Variants in SOS2 observed in about 807,000 individuals in gnomAD.
SOS2 encodes SOS Ras/Rho guanine nucleotide exchange factor 2, also known as son of sevenless homolog 2.
SOS2 carries 65 observed loss-of-function variants against 148.2 expected under a neutral mutation model. The observed-to-expected ratio is 0.44, with a 90% CI of 0.36 to 0.54. SOS2 has a LOEUF of 0.54. SOS2 is among the 20% of genes least tolerant of loss of function. SOS2 has a pLI of 0.00. For missense variants in SOS2, 1,341 were observed against 1,590.2 expected (o/e 0.84, Z 2.67); for synonymous variants, 539 against 537.1 (o/e 1.00, Z -0.05).
chr14:50,126,059 A>T (rs923056369), intron 21 of SOS2, among the ~76,000 whole-genome samples: 1 of 152,216 alleles, frequency 6.6e-6, no homozygotes, highest in Non-Finnish European at 1.5e-5. Context: ...AATAAGTGCC[A>T]TGGATATAGA....
At position 50,118,315 on chromosome 14, in the gene SOS2, C is replaced by T. The variant is rs1459155182; in HGVS notation, c.*29G>A. 3.2e-6 allele frequency: 5 copies of T among 1,545,116 alleles called. No individual in the cohort carries two copies. Among genetic ancestry groups the T allele is most frequent in the Non-Finnish European group, 4.4e-6 (5 of 1,139,386 alleles). On this transcript the variant is annotated 3_prime_UTR_variant, in exon 23 of 23. Transcript: ENST00000216373. ...AAAAAAAAACTTTACAAATACCATTCCAGTGTCAATGACTACATATGGCTA... is the reference window on the plus strand; with the variant it reads ...AAAAAAAAACTTTACAAATACCATTTCAGTGTCAATGACTACATATGGCTA...
chr14:50,202,199 G>C (rs1886514214), intron 2 of SOS2, among the ~76,000 whole-genome samples: 3 of 152,180 alleles, frequency 2.0e-5, no homozygotes, highest in African/African-American at 7.2e-5. Flanking sequence ...CTGGGCTCAA[G>C]TGATTGTGTC....
chr14:50,122,382 A>G (rs1468651704), intron 21 of SOS2, among the ~76,000 whole-genome samples: 1 of 136,816 alleles, frequency 7.3e-6, no homozygotes, highest in African/African-American at 2.9e-5. Flanking sequence ...AGTGAAAAAG[A>G]ACCCTGGGCT....
At chr14:50,229,284 C>T (rs1318368316) in intron 1 of SOS2, among the ~76,000 whole-genome samples, 1 of 152,068 alleles carries the variant, frequency 6.6e-6, no homozygotes, top group Non-Finnish European at 1.5e-5. Context: ...TCTATCACAA[C>T]AGTAAGTTAA....
Position 50,182,602 on chromosome 14 carries a change from A to G in SOS2, c.719T>C (p.Ile240Thr). ...SDRKLFKPSD[I>T]EKIFSNISDI... ...TGAAATGTTACTAAAAATCTTTTCG[A>G]TATCCTGAAAAAAGAGAAGGAAGGT... Residue 240 changes from isoleucine (I) to threonine (T), a missense_variant, in exon 6 of 23, where the codon ATC (isoleucine) becomes ACC (threonine). Physicochemically the swap from Ile to Thr is moderately conservative, Grantham distance 89. This residue lies in a region of SOS2 where 574 missense variants were observed against 711.1 expected (regional missense o/e 0.81). Transcript: ENST00000216373. 1 of 1,598,364 alleles carries G rather than the reference A, an allele frequency of 6.3e-7. No homozygotes were observed. Among genetic ancestry groups the G allele is most frequent in the Non-Finnish European group, 8.6e-7 (1 of 1,169,334 alleles).
intron 8 of SOS2, 100 bp downstream of exon 8, chr14:50,174,354 T>G (rs1006715489): frequency 8.6e-6 from 4 of 463,452 alleles, no homozygotes; most frequent in Non-Finnish European, 1.1e-5. Context: ...TTACATAAAA[T>G]AAGAATTAAA....
intron 7 of SOS2, among the ~76,000 whole-genome samples, 194 bp from the exon 8 acceptor site, chr14:50,174,746 G>T (rs79843008): frequency 6.6e-6 from 1 of 152,020 alleles, no homozygotes; most frequent in East Asian, 1.9e-4. Flanking sequence ...AGTTATTAGA[G>T]AAATATATAC....
In SOS2 at chr14:50,207,479, C is replaced by G. The variant is rs929211202; in HGVS notation, c.88-3070G>C. Among the ~76,000 whole-genome samples, 18 of 151,910 alleles carry G rather than the reference C, an allele frequency of 1.2e-4. 1 individual carries two copies. The highest frequency in any genetic ancestry group is 4.4e-4 in the African/African-American group (18 of 41,360). Reference sequence around the variant, plus strand: ...TGAGACATGATGGTGCCACTGCGCTCCAGCCTGGGGGAATGAGCAAGACCT... The same window carrying G: ...TGAGACATGATGGTGCCACTGCGCTGCAGCCTGGGGGAATGAGCAAGACCT... On this transcript the variant is annotated intron_variant, in intron 1 of 22. Transcript: ENST00000216373.
chr14:50,135,087 A>AAG (rs1258286859), intron 18 of SOS2, among the ~76,000 whole-genome samples: 2 of 149,218 alleles, frequency 1.3e-5, no homozygotes, highest in African/African-American at 2.5e-5. Flanking sequence ...AAAAAAAAAA[A>AAG]AAAAAGAAAG....
chr14:50,175,264 C>T (rs1885486335), intron 7 of SOS2, among the ~76,000 whole-genome samples: 1 of 152,092 alleles, frequency 6.6e-6, no homozygotes, highest in African/African-American at 2.4e-5. Flanking sequence ...TAACATAAAT[C>T]TTTGTGATAA....
At chr14:50,203,835 C>T (rs74050731) in intron 2 of SOS2, among the ~76,000 whole-genome samples, 1 of 151,178 alleles carries the variant, frequency 6.6e-6, no homozygotes, top group Admixed American at 6.6e-5. Flanking sequence ...CCGCCTCAGC[C>T]AAAGTACTGG....
At chr14:50,181,396 C>A (rs1161252715) in intron 6 of SOS2, among the ~76,000 whole-genome samples, 1 of 150,440 alleles carries the variant, frequency 6.6e-6, no homozygotes, top group Non-Finnish European at 1.5e-5. Context: ...TGCAGTAAGA[C>A]GAGATCGTGC....
At chr14:50,221,935 G>C (rs1472632308) in intron 1 of SOS2, among the ~76,000 whole-genome samples, 1 of 151,942 alleles carries the variant, frequency 6.6e-6, no homozygotes, top group Non-Finnish European at 1.5e-5. Context: ...TTTTGTTGTT[G>C]TAAGGAGTAT....
intron 1 of SOS2, among the ~76,000 whole-genome samples, chr14:50,221,195 G>T (rs1020316521): frequency 2.6e-5 from 4 of 151,976 alleles, no homozygotes; most frequent in African/African-American, 4.8e-5. Context: ...AGACAACAAA[G>T]ATTTTTTTTT....
At chr14:50,152,794 A>G (rs1018422928) in intron 13 of SOS2, among the ~76,000 whole-genome samples, 2 of 151,950 alleles carry the variant, frequency 1.3e-5, no homozygotes, top group African/African-American at 4.8e-5. Context: ...GTGAAATACC[A>G]TCTCTACTAA....
intron 9 of SOS2, among the ~76,000 whole-genome samples, chr14:50,160,379 C>CTTTTTTTTTTTTTTTTT (rs200021758): frequency 1.3e-5 from 1 of 78,852 alleles, no homozygotes; most frequent in African/African-American, 5.0e-5. Context: ...CAATGCTAAT[C>CTTTTTTTTTTTTTTTTT]TTTTTTTTTT....
chr14:50,214,179 T>C (rs1886972786), intron 1 of SOS2, among the ~76,000 whole-genome samples: 2 of 151,974 alleles, frequency 1.3e-5, no homozygotes, highest in African/African-American at 4.8e-5. Context: ...TACAAACTAA[T>C]TGATAAAGAA....
intron 21 of SOS2, among the ~76,000 whole-genome samples, chr14:50,127,394 G>A (rs990618413): frequency 1.3e-5 from 2 of 151,980 alleles, no homozygotes; most frequent in Admixed American, 1.3e-4. Flanking sequence ...TGTCTGCCTC[G>A]GTCTCCCAAA....
At chr14:50,227,452 G>A (rs557403328) in intron 1 of SOS2, among the ~76,000 whole-genome samples, 8 of 149,730 alleles carry the variant, frequency 5.3e-5, no homozygotes, top group African/African-American at 1.7e-4. Context: ...TTACTCCATC[G>A]CCCATGCTGG....
Sources: allele counts gnomAD v4.1 joint callset (sites outside exome capture counted in the v4.1 genomes callset), GRCh38; gene constraint gnomAD v4.1.1; regional missense constraint gnomAD v4.1.1; transcripts MANE v1.5; gene names NCBI Gene and HGNC (gene_info 2026-07-23, HGNC 2026-07-21).